The following LRP1B variants were observed in gnomAD, a reference collection of about 807,000 sequenced individuals.
LRP1B encodes LDL receptor related protein 1B, also known as low-density lipoprotein receptor-related protein 1B.
A neutral mutation model predicts 556.6 loss-of-function variants in LRP1B; 217 were observed. The ratio of observed to expected loss-of-function variants is 0.39; its 90% CI spans 0.35 to 0.44. The LOEUF is 0.44. LRP1B is among the 20% of genes least tolerant of loss of function. LRP1B has a pLI of 1.00. For missense variants in LRP1B, 5,053 were observed against 5,620.8 expected (o/e 0.90, Z 3.23); for synonymous variants, 2,047 against 1,865.8 (o/e 1.10, Z -2.50).
At chr2:141,781,505 T>C (rs1363957863) in intron 2 of LRP1B, among the ~76,000 whole-genome samples, 1 of 152,186 alleles carries the variant, frequency 6.6e-6, no homozygotes, top group Non-Finnish European at 1.5e-5. Context: ...AGGAGCACTC[T>C]AGCTGCTAGT....
chr2:140,297,943 C>T lies in LRP1B; in HGVS notation c.12832G>A (p.Gly4278Ser), dbSNP rs753102098. The change falls in exon 84 of 91, where the codon GGT (glycine) becomes AGT (serine). Residue 4278 changes from glycine (G) to serine (S), a missense_variant. This residue lies in a region of LRP1B where 551 missense variants were observed against 592.0 expected (regional missense o/e 0.93). Transcript: ENST00000389484. The stretch of plus-strand genomic sequence containing the variant: ...TTACCACAGTTTGGCCCAGTGAAAC[C>T]CAGTGCACAGCTGCAGGTGGGTCTC... ...LGRPTCSCAL[G>S]FTGPNCGKTV... 8.7e-6 allele frequency: 14 copies of T among 1,612,618 alleles called. No homozygotes were observed. Among genetic ancestry groups the T allele is most frequent in the Non-Finnish European group, 1.1e-5 (13 of 1,178,966 alleles).
chr2:141,929,912 CAAAAAAAAAAAA>C (rs70994467), intron 1 of LRP1B, among the ~76,000 whole-genome samples: 13 of 104,124 alleles, frequency 1.2e-4, no homozygotes, highest in Non-Finnish European at 2.2e-4. Context: ...CGGATGGAAA[CAAAAAAAAAAAA>C]AAAAAAAAAA....
At chr2:141,281,719 T>A (rs541766180) in intron 3 of LRP1B, among the ~76,000 whole-genome samples, 1 of 152,032 alleles carries the variant, frequency 6.6e-6, no homozygotes, top group East Asian at 1.9e-4. Flanking sequence ...TAAAGAGATA[T>A]TAAACAAACT....
chr2:141,058,811 T>A (rs897757304), intron 9 of LRP1B, 72 bp downstream of exon 9: 27 of 1,313,450 alleles, frequency 2.1e-5, no homozygotes, highest in Non-Finnish European at 2.6e-5. Flanking sequence ...TTCAACACCA[T>A]ACAAAAGCAC....
chr2:140,919,907 C>A (rs1694686529), intron 21 of LRP1B, among the ~76,000 whole-genome samples: 1 of 151,960 alleles, frequency 6.6e-6, no homozygotes, highest in Admixed American at 6.6e-5. Context: ...ATTACCATCC[C>A]TATTGATAAG....
intron 2 of LRP1B, among the ~76,000 whole-genome samples, chr2:141,493,200 TCTC>T (rs1224989905): frequency 1.3e-5 from 2 of 152,148 alleles, no homozygotes; most frequent in Admixed American, 1.3e-4. Flanking sequence ...TGAATTTAGA[TCTC>T]CTCTGTCTTC....
intron 3 of LRP1B, among the ~76,000 whole-genome samples, chr2:141,315,407 C>A (rs973583079): frequency 1.3e-5 from 2 of 151,158 alleles, no homozygotes; most frequent in Non-Finnish European, 3.0e-5. Context: ...CTACAAACGC[C>A]TGCCACCATG....
intron 2 of LRP1B, among the ~76,000 whole-genome samples, chr2:141,690,436 TATATAA>T (rs1691482020): frequency 8.0e-6 from 1 of 124,540 alleles, no homozygotes; most frequent in Non-Finnish European, 1.7e-5. Flanking sequence ...TATATATATA[TATATAA>T]TTACAAATAT....
chr2:141,678,459 T>C (rs141284249), intron 2 of LRP1B, among the ~76,000 whole-genome samples: 6 of 152,282 alleles, frequency 3.9e-5, no homozygotes, highest in African/African-American at 1.4e-4. Context: ...TATTGAATGT[T>C]GCCAACAAGT....
In LRP1B at chr2:140,640,214, G is replaced by A. The variant is rs190682165; in HGVS notation, c.6800-38575C>T. On this transcript the variant is annotated intron_variant, in intron 41 of 90. Transcript: ENST00000389484. ...AGAGACGGGGTTTCACTGTGGTCTC[G>A]ATCTCCTGACTCGTGATCCACCCGC... 5.4e-5 allele frequency among the ~76,000 whole-genome samples: 8 copies of A among 147,378 alleles called. No individual in the cohort carries two copies. The East Asian group carries it at 1.4e-3, about 26-fold the overall frequency.
At chr2:142,125,109 A>G (rs550735266) in intron 1 of LRP1B, among the ~76,000 whole-genome samples, 5 of 151,912 alleles carry the variant, frequency 3.3e-5, no homozygotes, top group Non-Finnish European at 7.4e-5. Flanking sequence ...AGCAATACAT[A>G]ATACATACTT....
At chr2:140,943,388 C>A (rs908215006) in intron 20 of LRP1B, among the ~76,000 whole-genome samples, 5 of 151,736 alleles carry the variant, frequency 3.3e-5, no homozygotes, top group Non-Finnish European at 5.9e-5. Context: ...CAAATGAATT[C>A]TGTTACTCAA....
intron 67 of LRP1B, among the ~76,000 whole-genome samples, chr2:140,383,544 A>G (rs1285528278): frequency 3.9e-5 from 6 of 152,146 alleles, no homozygotes; most frequent in Non-Finnish European, 7.4e-5. Flanking sequence ...TGGCCTATTC[A>G]AAATAGTATC....
chr2:141,569,964 G>A (rs1686468973), intron 2 of LRP1B, among the ~76,000 whole-genome samples: 2 of 151,032 alleles, frequency 1.3e-5, no homozygotes, highest in African/African-American at 2.4e-5. Flanking sequence ...CAGATGCAGT[G>A]GCTCATGCCT....
At chr2:141,195,140 C>T (rs112739368) in intron 6 of LRP1B, among the ~76,000 whole-genome samples, 10 of 152,180 alleles carry the variant, frequency 6.6e-5, no homozygotes, top group African/African-American at 2.2e-4. Flanking sequence ...GGGTAAGTCA[C>T]AAAAGGCATT....
At chr2:140,364,998 C>T (rs1415185476) in intron 71 of LRP1B, among the ~76,000 whole-genome samples, 3 of 151,108 alleles carry the variant, frequency 2.0e-5, no homozygotes, top group Non-Finnish European at 4.4e-5. Flanking sequence ...TCTAATATTA[C>T]TCTCATATAT....
intron 41 of LRP1B, among the ~76,000 whole-genome samples, chr2:140,658,768 C>T (rs1450719936): frequency 1.3e-5 from 2 of 151,990 alleles, no homozygotes; most frequent in Non-Finnish European, 2.9e-5. Context: ...CTGTATGAAC[C>T]TTCAGTGAAC....
At chr2:140,990,615 A>G (rs1318151732) in intron 16 of LRP1B, among the ~76,000 whole-genome samples, 1 of 152,030 alleles carries the variant, frequency 6.6e-6, no homozygotes, top group Non-Finnish European at 1.5e-5. Flanking sequence ...ACATGCAACC[A>G]CAGAAAATAC....
intron 7 of LRP1B, among the ~76,000 whole-genome samples, chr2:141,167,935 G>T (rs560361304): frequency 6.6e-6 from 1 of 152,038 alleles, no homozygotes; most frequent in Non-Finnish European, 1.5e-5. Flanking sequence ...TGGAGTACAT[G>T]CCTATAACTT....
Sources: gnomAD v4.1 joint callset for allele counts (sites outside exome capture counted in the v4.1 genomes callset) on GRCh38, gnomAD v4.1.1 for gene constraint, gnomAD v4.1.1 regional missense constraint, MANE v1.5 for transcripts, NCBI Gene and HGNC (gene_info 2026-07-23, HGNC 2026-07-21) for gene names.